The following ZFHX3 variants were observed in gnomAD, a reference collection of about 807,000 sequenced individuals.
ZFHX3 encodes the protein zinc finger homeobox protein 3.
Under a neutral mutation model 279.1 loss-of-function variants are expected in ZFHX3, and 42 were observed. The ratio of observed to expected loss-of-function variants is 0.15; its 90% CI spans 0.12 to 0.19. The LOEUF (loss-of-function observed/expected upper bound fraction) is 0.19. Ranked by LOEUF, ZFHX3 falls within the 10% of genes least tolerant of loss-of-function variation. The pLI is 1.00. For synonymous variants in ZFHX3, 2,293 were observed against 1,957.8 expected (o/e 1.17, Z -4.52); for missense variants, 4,981 against 4,754.0 (o/e 1.05, Z -1.40).
intron 1 of ZFHX3, among the ~76,000 whole-genome samples, chr16:73,714,745 T>A (rs745475406): frequency 6.6e-6 from 1 of 152,212 alleles, no homozygotes; most frequent in Non-Finnish European, 1.5e-5. Context: ...TTCCAAAATA[T>A]CCACTTCCCC....
intron 5 of ZFHX3, among the ~76,000 whole-genome samples, chr16:73,197,272 T>A (rs1245347522): frequency 6.6e-6 from 1 of 152,230 alleles, no homozygotes; most frequent in East Asian, 1.9e-4. Flanking sequence ...AAACAATGGA[T>A]AATGGCATCA....
At chr16:73,607,936 G>A (rs1404143276) in intron 2 of ZFHX3, among the ~76,000 whole-genome samples, 1 of 152,102 alleles carries the variant, frequency 6.6e-6, no homozygotes, top group Non-Finnish European at 1.5e-5. Flanking sequence ...GCCAGTCATG[G>A]AAGTCTGTGC....
rs756011717 is a variant in ZFHX3, at chr16:72,797,489, C to CTGT, written c.5190_5192dup (p.Gln1741dup). 2 of 1,597,624 alleles carry CTGT rather than the reference C, an allele frequency of 1.3e-6. No homozygotes were observed. Among genetic ancestry groups the CTGT allele is most frequent in the Non-Finnish European group, 1.7e-6 (2 of 1,169,820 alleles). On this transcript the variant is annotated inframe_insertion, in exon 9 of 10. Coordinates refer to ENST00000268489, the MANE Select transcript of ZFHX3 (RefSeq NM_006885.4). Reference sequence around the variant, plus strand: ...GTTGTTGTTGTTGTTGTTGTTGTTGCTGTTGCTGCTGCTGTTGTTGCTGCT... The same window carrying CTGT: ...GTTGTTGTTGTTGTTGTTGTTGTTGCTGTTGTTGCTGCTGCTGTTGTTGCTGCT...
rs953223957 is a variant in ZFHX3, at chr16:73,704,471, G to A, written c.-1607-24231C>T. ...AGTCATTATGGCAACACTTCATAGA[G>A]AGAAGCTACTCGCTGGCTAATTTCC... On this transcript the variant is annotated intron_variant, in intron 1 of 17. Transcript: ENST00000641206. Among the ~76,000 whole-genome samples the A allele has an allele frequency of 2.0e-5, 3 of 152,208 alleles. No individual in the cohort carries two copies. The East Asian group carries it at 5.8e-4, about 29-fold the overall frequency.
At chr16:73,588,053 T>C (rs1023898558) in intron 2 of ZFHX3, among the ~76,000 whole-genome samples, 2 of 152,108 alleles carry the variant, frequency 1.3e-5, no homozygotes, top group African/African-American at 4.8e-5. Context: ...GCAATGACAA[T>C]GTTCTCTGAA....
intron 2 of ZFHX3, among the ~76,000 whole-genome samples, chr16:73,597,386 G>A (rs1200391123): frequency 6.6e-6 from 1 of 152,180 alleles, no homozygotes; most frequent in African/African-American, 2.4e-5. Flanking sequence ...CTCCTCAAGG[G>A]CAGTTAGTGT....
intron 5 of ZFHX3, among the ~76,000 whole-genome samples, chr16:73,245,762 G>T (rs1332644816): frequency 6.6e-6 from 1 of 152,162 alleles, no homozygotes; most frequent in Admixed American, 6.5e-5. Context: ...AGGTGTTCTT[G>T]AGGTGAGCAG....
Position 73,858,765 on chromosome 16 carries a change from C to T in ZFHX3, c.-1608+32886G>A, listed in dbSNP as rs561499079. Reference sequence around the variant, plus strand: ...ATCACAGTGCAGTGTGGTTTTAATACGGGGTTTTCAGGTAGATCATATCAT... The same window carrying T: ...ATCACAGTGCAGTGTGGTTTTAATATGGGGTTTTCAGGTAGATCATATCAT... On this transcript the variant is annotated intron_variant, in intron 1 of 17. Transcript: ENST00000641206. 1.2e-4 allele frequency among the ~76,000 whole-genome samples: 19 copies of T among 152,228 alleles called. No homozygotes were observed. The South Asian group carries it at 2.5e-3, about 20-fold the overall frequency.
At chr16:73,766,082 G>A (rs2053937432) in intron 1 of ZFHX3, among the ~76,000 whole-genome samples, 1 of 152,164 alleles carries the variant, frequency 6.6e-6, no homozygotes, top group Non-Finnish European at 1.5e-5. Context: ...TGGCATTGAA[G>A]AAAAGAGTTC....
chr16:73,282,490 C>G (rs1202055137), intron 4 of ZFHX3, among the ~76,000 whole-genome samples: 1 of 152,138 alleles, frequency 6.6e-6, no homozygotes, highest in African/African-American at 2.4e-5. Flanking sequence ...GGGTTCTCTA[C>G]TTCAGGAACA....
chr16:73,401,621 G>C (rs541533799), intron 3 of ZFHX3: 41 of 152,268 alleles, frequency 2.7e-4, no homozygotes, highest in African/African-American at 9.1e-4. Context: ...ACAAAGCCCA[G>C]CCCTGTCCCC....
At chr16:73,300,394 G>A (rs1263592734) in intron 4 of ZFHX3, among the ~76,000 whole-genome samples, 1 of 152,106 alleles carries the variant, frequency 6.6e-6, no homozygotes, top group East Asian at 1.9e-4. Flanking sequence ...AGCCCCTCTG[G>A]ACTCTACCTA....
chr16:73,769,796 G>A (rs1459540323), intron 1 of ZFHX3, among the ~76,000 whole-genome samples: 1 of 152,170 alleles, frequency 6.6e-6, no homozygotes, highest in African/African-American at 2.4e-5. Flanking sequence ...AAGAATCCTA[G>A]GGTTATTACC....
chr16:73,443,563 G>A (rs2018132508), intron 3 of ZFHX3, among the ~76,000 whole-genome samples: 1 of 152,106 alleles, frequency 6.6e-6, no homozygotes. Context: ...CAAATCTCTT[G>A]CTAATGGAAG....
chr16:72,917,208 T>C (rs2144216783), intron 3 of ZFHX3, among the ~76,000 whole-genome samples: 1 of 152,266 alleles, frequency 6.6e-6, no homozygotes, highest in African/African-American at 2.4e-5. Flanking sequence ...ACCACTGCAC[T>C]CCAGACTGGG....
At chr16:73,819,517 T>G (rs1960674062) in intron 1 of ZFHX3, among the ~76,000 whole-genome samples, 1 of 152,140 alleles carries the variant, frequency 6.6e-6, no homozygotes, top group Admixed American at 6.5e-5. Context: ...ACTTTAAGTC[T>G]TAGGATTCTA....
intron 1 of ZFHX3, among the ~76,000 whole-genome samples, chr16:73,772,586 A>G (rs2054030707): frequency 1.3e-5 from 2 of 152,158 alleles, no homozygotes; most frequent in African/African-American, 4.8e-5. Context: ...GGTGTCTTTC[A>G]GATATGTCCG....
intron 4 of ZFHX3, among the ~76,000 whole-genome samples, chr16:72,847,303 A>AAGTTGAG (rs2037505049): frequency 6.6e-6 from 1 of 152,118 alleles, no homozygotes; most frequent in Non-Finnish European, 1.5e-5. Context: ...ACTCAGCACT[A>AAGTTGAG]CCTAAGACGT....
At chr16:73,488,975 T>C (rs570083670) in intron 2 of ZFHX3, among the ~76,000 whole-genome samples, 2 of 152,204 alleles carry the variant, frequency 1.3e-5, no homozygotes, top group African/African-American at 2.4e-5. Flanking sequence ...GAAGATTAAA[T>C]GAAATTATAC....
Sources: gnomAD v4.1 joint callset for allele counts (sites outside exome capture counted in the v4.1 genomes callset) on GRCh38, gnomAD v4.1.1 for gene constraint, MANE v1.5 for transcripts, NCBI Gene and HGNC (gene_info 2026-07-23, HGNC 2026-07-21) for gene names.